The following TEKT5 variants were observed in gnomAD, a reference collection of about 807,000 sequenced individuals.
TEKT5 encodes tektin-5.
A neutral mutation model predicts 48.7 loss-of-function variants in TEKT5; 52 were observed. That is an observed-to-expected ratio of 1.07 (90% CI 0.86 to 1.35). TEKT5 has a LOEUF of 1.35. Among genes scored for constraint, TEKT5 ranks in the 40% most tolerant of loss-of-function variants. The probability of loss-of-function intolerance (pLI) is 0.00; values close to 1 mark genes in which losing one functional copy is unlikely to be tolerated. For missense variants in TEKT5, 831 were observed against 641.6 expected, an observed-to-expected ratio of 1.30 and a Z score of -3.19; for synonymous variants, 318 against 267.6, an observed-to-expected ratio of 1.19 and a Z score of -1.84.
chr16:10,694,358 G>T lies in TEKT5; in HGVS notation c.516C>A (p.Val172=), dbSNP rs1173087963. ...LLTENQNLET[V]KRRLECAANE... is the part of the protein sequence containing the mutation. ...TGGCCGCGCACTCCAGCCGCCTCTT[G>T]ACCGTCTCCAAGTTCTGGTTCTCAG... Residue 172 remains valine (V), a synonymous_variant, in exon 1 of 7, where the codon GTC becomes GTA. Transcript: ENST00000283025. The T allele has an allele frequency of 5.0e-6, 8 of 1,613,150 alleles. No individual in the cohort carries two copies. Among genetic ancestry groups the T allele is most frequent in the Non-Finnish European group, 6.8e-6 (8 of 1,179,498 alleles).
chr16:10,692,604 C>T (rs1259897269), intron 1 of TEKT5: 1 of 152,218 alleles, frequency 6.6e-6, no homozygotes, highest in Non-Finnish European at 1.5e-5. Flanking sequence ...TTATCCAGAC[C>T]CCTTTGCATC....
chr16:10,666,588 G>C (rs915654133), intron 5 of TEKT5, among the ~76,000 whole-genome samples: 5 of 152,178 alleles, frequency 3.3e-5, no homozygotes, highest in Non-Finnish European at 7.3e-5. Flanking sequence ...CTACAGTGAA[G>C]AATTACTCAG....
At chr16:10,650,261 C>T (rs1596405190) in intron 5 of TEKT5, among the ~76,000 whole-genome samples, 1 of 151,682 alleles carries the variant, frequency 6.6e-6, no homozygotes, top group Non-Finnish European at 1.5e-5. Flanking sequence ...CGACAAGGCC[C>T]GGCTGATTTT....
chr16:10,651,655 G>T (rs888477875), intron 5 of TEKT5, among the ~76,000 whole-genome samples: 2 of 152,186 alleles, frequency 1.3e-5, no homozygotes, highest in Non-Finnish European at 2.9e-5. Flanking sequence ...ACCATGGAGT[G>T]TGCGTTAAAG....
intron 5 of TEKT5, among the ~76,000 whole-genome samples, chr16:10,675,658 G>A (rs73511797): frequency 0.021 from 3,132 of 152,284 alleles, 108 homozygotes; most frequent in African/African-American, 0.072. Flanking sequence ...CTGCACTCGC[G>A]CTCGGCCACA....
rs1178853966 is a variant in TEKT5 at position 10,652,866 on chromosome 16, C to T, written c.1087-16948G>A. Among the ~76,000 whole-genome samples the T allele has an allele frequency of 2.0e-5, 3 of 148,348 alleles. No individual in the cohort carries two copies. In the South Asian group the frequency reaches 6.4e-4, roughly 32 times the overall value. On this transcript the variant is annotated intron_variant, in intron 5 of 6. Coordinates refer to ENST00000283025, the MANE Select transcript of TEKT5 (RefSeq NM_144674.2). ...ACACACACACACACACACACACACACACACCCTCCAGGTCAGGTAGAGCGA... is the reference window on the plus strand; with the variant it reads ...ACACACACACACACACACACACACATACACCCTCCAGGTCAGGTAGAGCGA...
At chr16:10,677,456 A>G (rs1898668393) in intron 4 of TEKT5, among the ~76,000 whole-genome samples, 2 of 146,624 alleles carry the variant, frequency 1.4e-5, no homozygotes, top group South Asian at 4.4e-4. Flanking sequence ...CTAAAAATAT[A>G]AAAATTAGCC....
chr16:10,689,521 CTTTT>C (rs35713504), intron 2 of TEKT5, among the ~76,000 whole-genome samples, 198 bp from the exon 3 acceptor site: 28 of 105,538 alleles, frequency 2.7e-4, no homozygotes, highest in South Asian at 6.9e-4. Context: ...GAGGCTCCAC[CTTTT>C]TTTTTTTTTT....
At chr16:10,666,856 G>T (rs1413592431) in intron 5 of TEKT5, among the ~76,000 whole-genome samples, 15 of 152,184 alleles carry the variant, frequency 9.9e-5, no homozygotes, top group Admixed American at 9.8e-4. Context: ...CCTAAAACAT[G>T]GCAGTCACTT....
In TEKT5 at chr16:10,694,414, C is replaced by G; in HGVS notation, c.460G>C (p.Glu154Gln). The G allele has an allele frequency of 4.3e-6, 7 of 1,614,194 alleles. No homozygotes were observed. Among genetic ancestry groups the G allele is most frequent in the Non-Finnish European group, 5.9e-6 (7 of 1,180,044 alleles). ...AGCCTGTCCAGCTCATAGCTCAGCTCTGACTTCCAGAAGCCAATGTCCGAC... is the reference window on the plus strand; with the variant it reads ...AGCCTGTCCAGCTCATAGCTCAGCTGTGACTTCCAGAAGCCAATGTCCGAC... ...RLSDIGFWKS[E>Q]LSYELDRLLT... Residue 154 changes from glutamate to glutamine, a missense_variant, in exon 1 of 7, where the codon GAG becomes CAG. Coordinates refer to ENST00000283025, the MANE Select transcript of TEKT5 (RefSeq NM_144674.2).
Position 10,656,584 on chromosome 16 carries a change from C to A in TEKT5, c.1086+19375G>T, listed in dbSNP as rs574280038. Reference sequence around the variant, plus strand: ...ATTTATTTATTGAGAAATTTGGAAGCCAAAGAGGTAAGGCCTATAGAAGTG... The same window carrying A: ...ATTTATTTATTGAGAAATTTGGAAGACAAAGAGGTAAGGCCTATAGAAGTG... On this transcript the variant is annotated intron_variant, in intron 5 of 6. Coordinates refer to ENST00000283025, the MANE Select transcript of TEKT5 (RefSeq NM_144674.2). 7.9e-5 allele frequency among the ~76,000 whole-genome samples: 12 copies of A among 152,084 alleles called. No individual in the cohort carries two copies. The South Asian group carries it at 2.5e-3, about 32-fold the overall frequency.
At chr16:10,636,137 G>A (rs966435497) in intron 5 of TEKT5, among the ~76,000 whole-genome samples, 1 of 152,198 alleles carries the variant, frequency 6.6e-6, no homozygotes, top group South Asian at 2.1e-4. Flanking sequence ...CACTTTGGGA[G>A]GCCGAGATGG....
intron 5 of TEKT5, among the ~76,000 whole-genome samples, chr16:10,659,533 C>A (rs1728869982): frequency 6.6e-6 from 1 of 152,078 alleles, no homozygotes; most frequent in South Asian, 2.1e-4. Flanking sequence ...GTGCCCACCA[C>A]CACACTTGGC....
intron 5 of TEKT5, among the ~76,000 whole-genome samples, chr16:10,639,978 T>C (rs979891529): frequency 6.7e-6 from 1 of 149,854 alleles, no homozygotes; most frequent in Non-Finnish European, 1.5e-5. Context: ...TGCATGCTTC[T>C]TCTTTCTTCT....
chr16:10,630,641 G>A (rs1030392024), intron 6 of TEKT5, among the ~76,000 whole-genome samples: 1 of 152,158 alleles, frequency 6.6e-6, no homozygotes, highest in African/African-American at 2.4e-5. Context: ...CATCAAATAT[G>A]GTACCCACCA....
chr16:10,656,788 T>C (rs760899694), intron 5 of TEKT5, among the ~76,000 whole-genome samples: 3 of 152,216 alleles, frequency 2.0e-5, no homozygotes, highest in Non-Finnish European at 2.9e-5. Context: ...TTGCCCAGGC[T>C]GGAGGGCAAT....
At chr16:10,680,464 T>G (rs1898727866) in intron 4 of TEKT5, among the ~76,000 whole-genome samples, 2 of 152,148 alleles carry the variant, frequency 1.3e-5, no homozygotes, top group Non-Finnish European at 2.9e-5. Flanking sequence ...GGGATTTTTT[T>G]TTTTTTTTAA....
chr16:10,649,023 C>T (rs1015416886), intron 5 of TEKT5, among the ~76,000 whole-genome samples: 25 of 151,912 alleles, frequency 1.6e-4, no homozygotes, highest in African/African-American at 4.6e-4. Context: ...GATCATGGCT[C>T]ACTGCAACCT....
At chr16:10,654,433 G>A (rs1898222574) in intron 5 of TEKT5, among the ~76,000 whole-genome samples, 1 of 152,178 alleles carries the variant, frequency 6.6e-6, no homozygotes, top group African/African-American at 2.4e-5. Flanking sequence ...CAGATAGCTG[G>A]TAAACCATTA....
Sources: allele counts gnomAD v4.1 joint callset (sites outside exome capture counted in the v4.1 genomes callset), GRCh38; gene constraint gnomAD v4.1.1; transcripts MANE v1.5; gene names NCBI Gene and HGNC (gene_info 2026-07-23, HGNC 2026-07-21).